SMG7: variants seen among roughly 807,000 people sequenced by gnomAD.
The protein encoded by SMG7 is nonsense-mediated mRNA decay factor SMG7.
Under a neutral mutation model 148.2 loss-of-function variants are expected in SMG7, and 34 were observed. The ratio of observed to expected loss-of-function variants is 0.23; its 90% CI spans 0.17 to 0.31. The LOEUF is 0.31. SMG7 is among the 10% of genes least tolerant of loss of function. The pLI is 1.00. For missense variants in SMG7, 1,114 were observed against 1,408.4 expected (o/e 0.79, Z 3.35); for synonymous variants, 492 against 515.1 (o/e 0.96, Z 0.61).
chr1:183,497,984 T>C (rs1027206540), intron 1 of SMG7, among the ~76,000 whole-genome samples: 1 of 152,250 alleles, frequency 6.6e-6, no homozygotes, highest in African/African-American at 2.4e-5. Context: ...ATAATGGCTC[T>C]TGTGAGAATA....
intron 12 of SMG7, among the ~76,000 whole-genome samples, chr1:183,540,096 A>C (rs1668537258): frequency 1.3e-5 from 2 of 152,130 alleles, no homozygotes; most frequent in African/African-American, 4.8e-5. Context: ...CTATACTTGA[A>C]TAGCTCACTA....
chr1:183,490,394 T>C (rs1289574699), intron 1 of SMG7, among the ~76,000 whole-genome samples: 1 of 152,224 alleles, frequency 6.6e-6, no homozygotes, highest in Admixed American at 6.5e-5. Context: ...ATTTATTTTG[T>C]AGAAATTGTT....
intron 4 of SMG7, among the ~76,000 whole-genome samples, chr1:183,520,773 G>A (rs1235122578): frequency 6.6e-6 from 1 of 152,134 alleles, no homozygotes; most frequent in African/African-American, 2.4e-5. Context: ...AAACAGATCT[G>A]TAAGGAAGTA....
chr1:183,482,142 C>G (rs993390888), intron 1 of SMG7, among the ~76,000 whole-genome samples: 1 of 151,962 alleles, frequency 6.6e-6, no homozygotes, highest in African/African-American at 2.4e-5. Flanking sequence ...ACATTATGAT[C>G]AGATTGAGAC....
In SMG7 at chr1:183,500,652, A is replaced by G. The variant is rs972674906; in HGVS notation, c.30-12185A>G. Among the ~76,000 whole-genome samples, 9 of 152,186 alleles carry G rather than the reference A, an allele frequency of 5.9e-5. No homozygotes were observed. In the East Asian group the frequency reaches 1.5e-3, roughly 26 times the overall value. The stretch of plus-strand genomic sequence containing the variant: ...ATAATAGATGTGGGCATTAAGATGC[A>G]CTGGGAGTACTCAGCCAAACTAAGA... On this transcript the variant is annotated intron_variant, in intron 1 of 22. Transcript: ENST00000688051.
chr1:183,487,381 T>C (rs751793237), intron 1 of SMG7, among the ~76,000 whole-genome samples: 3 of 152,210 alleles, frequency 2.0e-5, no homozygotes, highest in Non-Finnish European at 4.4e-5. Flanking sequence ...GTAATCACAT[T>C]GGACACACCC....
At chr1:183,514,000 A>G (rs1363500823) in intron 2 of SMG7, among the ~76,000 whole-genome samples, 1 of 148,190 alleles carries the variant, frequency 6.7e-6, no homozygotes, top group Non-Finnish European at 1.5e-5. Context: ...CCTGCACTCC[A>G]GCCTGGGCGA....
intron 1 of SMG7, among the ~76,000 whole-genome samples, chr1:183,483,353 T>G (rs1224988915): frequency 6.6e-6 from 1 of 152,156 alleles, no homozygotes; most frequent in Non-Finnish European, 1.5e-5. Context: ...TACTTTTGTA[T>G]CAGGTGATCA....
At chr1:183,520,619 A>T (rs1664552690) in intron 4 of SMG7, among the ~76,000 whole-genome samples, 1 of 152,170 alleles carries the variant, frequency 6.6e-6, no homozygotes. Context: ...GGGAGGGGGA[A>T]GGCATCTACC....
intron 9 of SMG7, 98 bp from the exon 10 acceptor site, chr1:183,533,576 CAA>C: frequency 1.9e-6 from 2 of 1,039,300 alleles, no homozygotes; most frequent in South Asian, 1.7e-5. Flanking sequence ...GTAAGATACT[CAA>C]GTGTTAAACA....
At chr1:183,549,016 A>T (rs1055035427) in intron 18 of SMG7, 192 bp from the exon 19 acceptor site, 9 of 586,698 alleles carry the variant, frequency 1.5e-5, no homozygotes, top group Non-Finnish European at 2.7e-5. Flanking sequence ...GGAGGATTCT[A>T]TGCACCTGTG....
intron 1 of SMG7, among the ~76,000 whole-genome samples, chr1:183,505,797 T>C (rs559063699): frequency 5.0e-4 from 76 of 152,368 alleles, no homozygotes; most frequent in African/African-American, 1.7e-3. Flanking sequence ...GACTCTTTCC[T>C]CTGCTTTATC....
intron 6 of SMG7, 69 bp downstream of exon 6, chr1:183,528,096 CAG>C: frequency 8.7e-7 from 1 of 1,155,326 alleles, no homozygotes; most frequent in Non-Finnish European, 1.2e-6. Flanking sequence ...GCAGATAACT[CAG>C]GGCTCACCTT....
chr1:183,493,179 T>C (rs909955193), intron 1 of SMG7, among the ~76,000 whole-genome samples: 8 of 152,134 alleles, frequency 5.3e-5, no homozygotes, highest in African/African-American at 1.9e-4. Flanking sequence ...CTTATTGTAT[T>C]GCCCAGGTTG....
chr1:183,516,965 AG>A (rs989331991), intron 3 of SMG7, among the ~76,000 whole-genome samples: 2 of 152,240 alleles, frequency 1.3e-5, no homozygotes, highest in African/African-American at 2.4e-5. Context: ...TAATCAGGCC[AG>A]TAATATCTTC....
At chr1:183,548,733 A>G (rs1244705416) in intron 18 of SMG7, among the ~76,000 whole-genome samples, 1 of 152,238 alleles carries the variant, frequency 6.6e-6, no homozygotes, top group Non-Finnish European at 1.5e-5. Context: ...GTTTTACTAT[A>G]TACTGCAAAT....
Position 183,542,091 on chromosome 1 carries a change from A to G in SMG7, c.1431A>G (p.Glu477=), listed in dbSNP as rs1302127184. 6.2e-7 allele frequency: 1 copy of G among 1,610,528 alleles called. No individual in the cohort carries two copies. The highest frequency in any genetic ancestry group is 1.3e-5 in the African/African-American group (1 of 74,772). ...GCTTTTTTAGGCTGATTCAGTGTGA[A>G]AATGAGGTAGGGAAATTGTTGTTTA... The part of the protein sequence containing the change: ...ADNQPRLIQC[E]NEVGKLLFIT... The change falls in exon 14 of 23, where the codon GAA becomes GAG. Residue 477 remains glutamate, a synonymous_variant. Coordinates refer to ENST00000688051, the MANE Select transcript of SMG7 (RefSeq NM_001375584.1).
chr1:183,552,156 G>GGA lies in SMG7; in HGVS notation c.*235_*236dup, dbSNP rs1259042473. Reference sequence around the variant, plus strand: ...TCCGTCCCCCCGGGGCCCTCCGGAGGGAGAGAGAGAGGAACTGCTGTTTAT... The same window carrying GGA: ...TCCGTCCCCCCGGGGCCCTCCGGAGGGAGAGAGAGAGAGGAACTGCTGTTTAT... On this transcript the variant is annotated 3_prime_UTR_variant, in exon 23 of 23. Coordinates refer to ENST00000688051, the MANE Select transcript of SMG7 (RefSeq NM_001375584.1). 285 of 1,196,472 alleles carry GGA rather than the reference G, an allele frequency of 2.4e-4. No individual in the cohort carries two copies. Among genetic ancestry groups the GGA allele is most frequent in the Middle Eastern group, 1.7e-3 (5 of 2,940 alleles). 74.1% of individuals were successfully genotyped at this position (1,196,472 alleles called of 1,614,324 possible).
At chr1:183,474,816 G>A (rs1030095648) in intron 1 of SMG7, among the ~76,000 whole-genome samples, 1 of 152,148 alleles carries the variant, frequency 6.6e-6, no homozygotes, top group African/African-American at 2.4e-5. Context: ...CAAGAAAATG[G>A]CACTTAGGAT....
Sources: gnomAD v4.1 joint callset for allele counts (sites outside exome capture counted in the v4.1 genomes callset) on GRCh38, gnomAD v4.1.1 for gene constraint, MANE v1.5 for transcripts, NCBI Gene and HGNC (gene_info 2026-07-23, HGNC 2026-07-21) for gene names.